The following HS6ST3 variants were observed in gnomAD, a reference collection of about 807,000 sequenced individuals.
HS6ST3 encodes the protein heparan sulfate 6-O-sulfotransferase 3.
Under a neutral mutation model 36.7 loss-of-function variants are expected in HS6ST3, and 12 were observed. That is an observed-to-expected ratio of 0.33 (90% CI 0.21 to 0.53). The LOEUF (loss-of-function observed/expected upper bound fraction) is 0.53, where lower values mean the gene tolerates loss of function less well. Ranked by LOEUF, HS6ST3 falls within the 20% of genes least tolerant of loss-of-function variation. The pLI, the probability that HS6ST3 is intolerant of heterozygous loss-of-function variation, is 0.95. For missense variants in HS6ST3, 584 were observed against 640.9 expected (o/e 0.91, Z 0.96); for synonymous variants, 240 against 257.5 (o/e 0.93, Z 0.65).
chr13:96,702,818 C>T (rs1288972254), intron 1 of HS6ST3, among the ~76,000 whole-genome samples: 4 of 151,972 alleles, frequency 2.6e-5, no homozygotes, highest in Non-Finnish European at 4.4e-5. Flanking sequence ...TAGCTGGACA[C>T]GAGTAAAAGG....
intron 1 of HS6ST3, among the ~76,000 whole-genome samples, chr13:96,248,848 T>C (rs1311880999): frequency 6.6e-6 from 1 of 152,222 alleles, no homozygotes; most frequent in African/African-American, 2.4e-5. Context: ...CAAGCACATA[T>C]ACAATTTATA....
chr13:96,419,809 C>T (rs370884433), intron 1 of HS6ST3, among the ~76,000 whole-genome samples: 7 of 152,230 alleles, frequency 4.6e-5, no homozygotes, highest in Admixed American at 6.5e-5. Flanking sequence ...GTCTTCTCCT[C>T]GTGTTTGTGT....
intron 1 of HS6ST3, among the ~76,000 whole-genome samples, chr13:96,272,895 G>A (rs537816256): frequency 4.6e-5 from 7 of 151,900 alleles, no homozygotes; most frequent in East Asian, 1.9e-4. Context: ...TACTAAGTGC[G>A]TGAAGCTTCT....
At chr13:96,818,883 C>T (rs1352358456) in intron 1 of HS6ST3, among the ~76,000 whole-genome samples, 2 of 152,224 alleles carry the variant, frequency 1.3e-5, no homozygotes, top group African/African-American at 4.8e-5. Flanking sequence ...CAAAAGAACT[C>T]CACATCCATA....
intron 1 of HS6ST3, among the ~76,000 whole-genome samples, chr13:96,683,774 A>G (rs1242426895): frequency 6.6e-6 from 1 of 152,120 alleles, no homozygotes; most frequent in Non-Finnish European, 1.5e-5. Context: ...CCTTAGTCAC[A>G]TAGCATAATA....
chr13:96,121,030 C>G (rs901087596), intron 1 of HS6ST3, among the ~76,000 whole-genome samples: 4 of 152,078 alleles, frequency 2.6e-5, no homozygotes, highest in Non-Finnish European at 5.9e-5. Context: ...AACTTGGGCA[C>G]AAAGGTTTCA....
intron 1 of HS6ST3, among the ~76,000 whole-genome samples, chr13:96,395,844 G>C (rs1290179856): frequency 6.6e-6 from 1 of 152,160 alleles, no homozygotes; most frequent in Non-Finnish European, 1.5e-5. Flanking sequence ...GGGATACAAG[G>C]AGGGAGAGAA....
At chr13:96,659,199 G>A (rs1246619840) in intron 1 of HS6ST3, among the ~76,000 whole-genome samples, 4 of 152,110 alleles carry the variant, frequency 2.6e-5, no homozygotes, top group African/African-American at 9.7e-5. Context: ...TCAGCTTTTT[G>A]GATTTAGCTA....
chr13:96,278,022 C>G (rs548980210), intron 1 of HS6ST3, among the ~76,000 whole-genome samples: 2 of 152,066 alleles, frequency 1.3e-5, no homozygotes, highest in East Asian at 3.8e-4. Flanking sequence ...ATGAGGACTC[C>G]GTTAATACAG....
At chr13:96,272,987 C>G (rs1454524640) in intron 1 of HS6ST3, among the ~76,000 whole-genome samples, 1 of 151,888 alleles carries the variant, frequency 6.6e-6, no homozygotes, top group African/African-American at 2.4e-5. Context: ...CAATGAATGT[C>G]AAATGAAATC....
intron 1 of HS6ST3, among the ~76,000 whole-genome samples, chr13:96,637,019 AG>A (rs1479083385): frequency 6.6e-6 from 1 of 152,150 alleles, no homozygotes; most frequent in Non-Finnish European, 1.5e-5. Flanking sequence ...TTAAAAAAAA[AG>A]AATACAAGTG....
intron 1 of HS6ST3, among the ~76,000 whole-genome samples, chr13:96,317,260 T>C (rs2054974866): frequency 2.0e-5 from 3 of 149,586 alleles, no homozygotes; most frequent in Admixed American, 1.3e-4. Context: ...GATTATAGTC[T>C]CCAGCTCCTT....
At position 96,259,891 on chromosome 13, in the gene HS6ST3, T is replaced by C. The variant is rs987724390; in HGVS notation, c.707+168322T>C. Reference sequence around the variant, plus strand: ...TGTTTATTTGTTCAAATTATATTTCTATTATAAAGTTTAAACTGTTGGCTG... The same window carrying C: ...TGTTTATTTGTTCAAATTATATTTCCATTATAAAGTTTAAACTGTTGGCTG... On this transcript the variant is annotated intron_variant, in intron 1 of 1. Transcript: ENST00000376705. Among the ~76,000 whole-genome samples, 22 of 152,312 alleles carry C rather than the reference T, an allele frequency of 1.4e-4. No homozygotes were observed. In the East Asian group the frequency reaches 4.3e-3, roughly 29 times the overall value.
intron 1 of HS6ST3, among the ~76,000 whole-genome samples, chr13:96,183,938 C>T (rs576790775): frequency 1.3e-5 from 2 of 152,076 alleles, no homozygotes; most frequent in African/African-American, 2.4e-5. Flanking sequence ...CATGGTGGCT[C>T]ACGCCTGTCA....
chr13:96,227,168 T>C (rs1483044151), intron 1 of HS6ST3, among the ~76,000 whole-genome samples: 1 of 152,200 alleles, frequency 6.6e-6, no homozygotes, highest in Admixed American at 6.5e-5. Flanking sequence ...CCATATCAGA[T>C]ATATTTCTTC....
At chr13:96,285,133 A>G (rs559238859) in intron 1 of HS6ST3, among the ~76,000 whole-genome samples, 1 of 152,146 alleles carries the variant, frequency 6.6e-6, no homozygotes, top group South Asian at 2.1e-4. Context: ...GTGTAAGATA[A>G]TCAACCGGTA....
At chr13:96,524,331 G>A (rs61967710) in intron 1 of HS6ST3, among the ~76,000 whole-genome samples, 4,166 of 152,294 alleles carry the variant, frequency 0.027, 108 homozygotes, top group South Asian at 0.075. Context: ...CCCACTTGAG[G>A]AGGCAGTCTG....
intron 1 of HS6ST3, among the ~76,000 whole-genome samples, chr13:96,751,233 T>C (rs1422194664): frequency 6.6e-6 from 1 of 152,118 alleles, no homozygotes; most frequent in Non-Finnish European, 1.5e-5. Flanking sequence ...TCAGAGGTAA[T>C]TAAGTTAAAG....
chr13:96,108,052 G>T (rs141014113), intron 1 of HS6ST3, among the ~76,000 whole-genome samples: 4,291 of 152,324 alleles, frequency 0.028, 97 homozygotes, highest in Non-Finnish European at 0.046. Flanking sequence ...AGGTCTGACT[G>T]CCTGGGAGCC....
Sources: gnomAD v4.1 joint callset for allele counts (sites outside exome capture counted in the v4.1 genomes callset) on GRCh38, gnomAD v4.1.1 for gene constraint, MANE v1.5 for transcripts, NCBI Gene and HGNC (gene_info 2026-07-23, HGNC 2026-07-21) for gene names.